The following CEP85L variants were observed in gnomAD, a reference collection of about 807,000 sequenced individuals.
CEP85L encodes the protein centrosomal protein 85L.
A neutral mutation model predicts 100.3 loss-of-function variants in CEP85L; 60 were observed. The observed-to-expected ratio is 0.60, with a 90% confidence interval of 0.49 to 0.74. The LOEUF (loss-of-function observed/expected upper bound fraction) is 0.74. Ranked by LOEUF, CEP85L falls within the 30% of genes least tolerant of loss-of-function variation. The pLI is 0.00. For synonymous variants in CEP85L, 319 were observed against 322.7 expected, an observed-to-expected ratio of 0.99 and a Z score of 0.12; for missense variants, 973 against 936.2, an observed-to-expected ratio of 1.04 and a Z score of -0.51.
chr6:118,541,474 A>G (rs1376860133), intron 3 of CEP85L, among the ~76,000 whole-genome samples: 1 of 152,232 alleles, frequency 6.6e-6, no homozygotes, highest in Non-Finnish European at 1.5e-5. Flanking sequence ...TTGCTTTATA[A>G]AGTAAATATG....
intron 2 of CEP85L, among the ~76,000 whole-genome samples, chr6:118,597,462 T>C (rs1781516372): frequency 6.6e-6 from 1 of 152,116 alleles, no homozygotes; most frequent in Non-Finnish European, 1.5e-5. Context: ...CAAGAACTAA[T>C]GAAAGTAACA....
intron 5 of CEP85L, among the ~76,000 whole-genome samples, chr6:118,498,169 G>A (rs1413714741): frequency 6.6e-6 from 1 of 152,096 alleles, no homozygotes; most frequent in Non-Finnish European, 1.5e-5. Context: ...TAATAAAGTA[G>A]AAAGAGAAAA....
intron 4 of CEP85L, among the ~76,000 whole-genome samples, chr6:118,522,158 C>G (rs1001337842): frequency 2.0e-5 from 3 of 151,970 alleles, no homozygotes; most frequent in African/African-American, 4.8e-5. Context: ...GTCGGGAGTT[C>G]GAGACCAGCC....
intron 6 of CEP85L, among the ~76,000 whole-genome samples, chr6:118,487,765 G>A (rs998739239): frequency 7.2e-5 from 11 of 152,152 alleles, no homozygotes; most frequent in Admixed American, 5.9e-4. Flanking sequence ...AGATCAGACC[G>A]GTGAGATCAG....
chr6:118,544,422 C>G (rs1778081414), intron 3 of CEP85L, among the ~76,000 whole-genome samples: 1 of 152,090 alleles, frequency 6.6e-6, no homozygotes, highest in African/African-American at 2.4e-5. Flanking sequence ...TCTTTTTCTC[C>G]TGGTGTTATC....
At chr6:118,487,117 T>C (rs1774240626) in intron 6 of CEP85L, among the ~76,000 whole-genome samples, 1 of 152,154 alleles carries the variant, frequency 6.6e-6, no homozygotes, top group African/African-American at 2.4e-5. Flanking sequence ...GGGAAAAATA[T>C]TAAGCTAGAT....
chr6:118,631,765 G>A (rs543985960), intron 2 of CEP85L, among the ~76,000 whole-genome samples: 8 of 152,280 alleles, frequency 5.3e-5, no homozygotes, highest in Admixed American at 2.6e-4. Context: ...CTATAGAAAT[G>A]GAGAGTAAAT....
At chr6:118,503,653 C>G (rs11963143) in intron 5 of CEP85L, among the ~76,000 whole-genome samples, 2,762 of 151,890 alleles carry the variant, frequency 0.018, 53 homozygotes, top group Middle Eastern at 0.054. Flanking sequence ...GTCAACTGAT[C>G]TTTAACAAAG....
Position 118,697,453 on chromosome 6 carries a change from C to T in CEP85L, c.-28+12583G>A, listed in dbSNP as rs551706088. Among the ~76,000 whole-genome samples, 97 of 152,300 alleles carry T rather than the reference C, an allele frequency of 6.4e-4. 2 individuals carry two copies. The highest frequency in any genetic ancestry group is 5.4e-3 in the Admixed American group (82 of 15,306). On this transcript the variant is annotated intron_variant, in intron 1 of 13. Coordinates refer to the CEP85L transcript ENST00000368488. ...TGCTGGAAAAATCAAGGACGATATACCACTCAAGCTCTGCATACTAGGATA... is the reference window on the plus strand; with the variant it reads ...TGCTGGAAAAATCAAGGACGATATATCACTCAAGCTCTGCATACTAGGATA...
intron 2 of CEP85L, among the ~76,000 whole-genome samples, chr6:118,575,510 C>T (rs1037367092): frequency 1.3e-5 from 2 of 152,156 alleles, no homozygotes. Flanking sequence ...CTACAGGAGA[C>T]AAGCCAGAAA....
intron 1 of CEP85L, among the ~76,000 whole-genome samples, chr6:118,669,212 C>T (rs1203754344): frequency 6.6e-6 from 1 of 152,166 alleles, no homozygotes; most frequent in African/African-American, 2.4e-5. Context: ...TCAGGGACTC[C>T]AGGAGGAACA....
At chr6:118,600,300 G>GGGGGGGGGTGTGTGTGTGTGT (rs1562297733) in intron 2 of CEP85L, among the ~76,000 whole-genome samples, 1 of 52,236 alleles carries the variant, frequency 1.9e-5, no homozygotes, top group Non-Finnish European at 4.0e-5. Flanking sequence ...CCTTCCTGGG[G>GGGGGGGGGTGTGTGTGTGTGT]GTGTGTGTGT....
intron 2 of CEP85L, among the ~76,000 whole-genome samples, chr6:118,627,217 AAG>A (rs1274617500): frequency 4.6e-5 from 7 of 151,046 alleles, no homozygotes; most frequent in African/African-American, 1.2e-4. Flanking sequence ...AAAAAAAAAA[AAG>A]GAAACAATAC....
At chr6:118,625,453 T>G (rs2115295160) in intron 2 of CEP85L, among the ~76,000 whole-genome samples, 1 of 152,326 alleles carries the variant, frequency 6.6e-6, no homozygotes, top group South Asian at 2.1e-4. Flanking sequence ...AGGTATAACC[T>G]CCTTCACCCA....
At chr6:118,686,645 T>C (rs906352106) in intron 1 of CEP85L, among the ~76,000 whole-genome samples, 2 of 152,216 alleles carry the variant, frequency 1.3e-5, no homozygotes, top group Non-Finnish European at 2.9e-5. Flanking sequence ...ATTTCCACCT[T>C]TTGGCTATTA....
chr6:118,578,671 A>G (rs1189897617), intron 2 of CEP85L, among the ~76,000 whole-genome samples: 1 of 152,110 alleles, frequency 6.6e-6, no homozygotes, highest in Non-Finnish European at 1.5e-5. Context: ...GGACGTTGCC[A>G]TGAGCCGAGA....
chr6:118,577,816 G>A (rs1319230659), intron 2 of CEP85L, among the ~76,000 whole-genome samples: 5 of 152,136 alleles, frequency 3.3e-5, no homozygotes. Context: ...CGGAAAAATG[G>A]TTTAGAAAAT....
chr6:118,472,196 A>C (rs1773012440), intron 10 of CEP85L, among the ~76,000 whole-genome samples: 1 of 152,122 alleles, frequency 6.6e-6, no homozygotes, highest in Non-Finnish European at 1.5e-5. Context: ...GTTGAATGTG[A>C]CTAATAATTA....
Position 118,632,560 on chromosome 6 carries a change from G to T in CEP85L, c.125C>A (p.Ala42Asp). The T allele has an allele frequency of 6.2e-7, 1 of 1,612,994 alleles. No individual in the cohort carries two copies. The highest frequency in any genetic ancestry group is 8.5e-7 in the Non-Finnish European group (1 of 1,179,622). The change falls in exon 2 of 13, where the codon GCC becomes GAC. Residue 42 changes from alanine (A) to aspartate (D), a missense_variant. Around this residue, in one of 3 missense-constraint regions of CEP85L, gnomAD observed 79 missense variants for 73.3 expected, o/e 1.08. Coordinates refer to ENST00000368491, the MANE Select transcript of CEP85L (RefSeq NM_001042475.3). ...TCGATGGTTAGATGGAACAGTTGTGGCCTGCCACAATGATTCATTAGCAGG... is the reference window on the plus strand; with the variant it reads ...TCGATGGTTAGATGGAACAGTTGTGTCCTGCCACAATGATTCATTAGCAGG... ...WLPANESLWQATTVPSNHRNN... is the reference protein window; with the variant it reads ...WLPANESLWQDTTVPSNHRNN...
Sources: gnomAD v4.1 joint callset for allele counts (sites outside exome capture counted in the v4.1 genomes callset) on GRCh38, gnomAD v4.1.1 for gene constraint, gnomAD v4.1.1 regional missense constraint, MANE v1.5 for transcripts, NCBI Gene and HGNC (gene_info 2026-07-23, HGNC 2026-07-21) for gene names.